The following NRXN1 variants were observed in gnomAD, a reference collection of about 807,000 sequenced individuals.
The protein encoded by NRXN1 is neurexin-1.
In NRXN1, 39 loss-of-function variants were observed where a neutral mutation model predicts 150.9. The ratio of observed to expected loss-of-function variants is 0.26; its 90% confidence interval spans 0.20 to 0.34. The LOEUF (loss-of-function observed/expected upper bound fraction) is 0.34. Among genes scored for constraint, NRXN1 ranks in the 10% least tolerant of loss-of-function variants. NRXN1 has a pLI of 1.00. For missense variants in NRXN1, 1,815 were observed against 1,949.9 expected, an observed-to-expected ratio of 0.93 and a Z score of 1.30; for synonymous variants, 924 against 757.0, an observed-to-expected ratio of 1.22 and a Z score of -3.62.
chr2:50,907,871 C>G (rs1408564403), intron 5 of NRXN1, among the ~76,000 whole-genome samples: 2 of 152,068 alleles, frequency 1.3e-5, no homozygotes, highest in Non-Finnish European at 2.9e-5. Context: ...ATAATACATT[C>G]ACGTTGTTTA....
At chr2:50,785,127 T>C (rs1449364364) in intron 5 of NRXN1, among the ~76,000 whole-genome samples, 1 of 151,748 alleles carries the variant, frequency 6.6e-6, no homozygotes, top group Non-Finnish European at 1.5e-5. Flanking sequence ...AAAGACCATG[T>C]GAGGACACAG....
At chr2:50,678,976 C>T (rs985556772) in intron 5 of NRXN1, among the ~76,000 whole-genome samples, 4 of 151,934 alleles carry the variant, frequency 2.6e-5, no homozygotes, top group African/African-American at 7.3e-5. Flanking sequence ...GACAGATGTA[C>T]GGTCAGAGTT....
At chr2:50,102,934 G>A (rs1025252064) in intron 18 of NRXN1, among the ~76,000 whole-genome samples, 13 of 151,934 alleles carry the variant, frequency 8.6e-5, no homozygotes, top group South Asian at 4.1e-4. Flanking sequence ...GGAATAATGC[G>A]TAACAAAAGT....
Position 50,347,891 on chromosome 2 carries a change from A to G in NRXN1, c.3365-110921T>C. The G allele has an allele frequency of 6.2e-6, 6 of 966,230 alleles. No homozygotes were observed. The highest frequency in any genetic ancestry group is 7.4e-6 in the Non-Finnish European group (6 of 812,442). 59.9% of individuals were successfully genotyped at this position (966,230 alleles called of 1,614,324 possible). A position where few individuals can be genotyped will look rare whatever the true frequency, so the allele number is the denominator to read the frequency against. ...ACGAGGGAGGCTGGTCTAGCTTCCCACGAAAATCGCCCTGCTTTGCCTCTC... is the reference window on the plus strand; with the variant it reads ...ACGAGGGAGGCTGGTCTAGCTTCCCGCGAAAATCGCCCTGCTTTGCCTCTC... On this transcript the variant is annotated intron_variant, in intron 17 of 22. Transcript: ENST00000401669. The surrounding 1 kb of genome is among the most constrained non-coding windows in gnomAD (Gnocchi z 4.9).
At chr2:50,855,764 C>A (rs1321163127) in intron 5 of NRXN1, among the ~76,000 whole-genome samples, 2 of 152,012 alleles carry the variant, frequency 1.3e-5, no homozygotes, top group Admixed American at 1.3e-4. Flanking sequence ...CATTGAATAT[C>A]TTACTATGTC....
At chr2:50,375,652 A>G (rs2080432144) in intron 17 of NRXN1, among the ~76,000 whole-genome samples, 1 of 151,288 alleles carries the variant, frequency 6.6e-6, no homozygotes, top group Non-Finnish European at 1.5e-5. Flanking sequence ...TAGTAAATTG[A>G]AAGACTATTA....
intron 8 of NRXN1, among the ~76,000 whole-genome samples, chr2:50,570,282 C>G (rs992708082): frequency 1.3e-5 from 2 of 151,966 alleles, no homozygotes; most frequent in African/African-American, 4.8e-5. Context: ...GAATCAAAGA[C>G]AGAGAAATCC....
intron 9 of NRXN1, among the ~76,000 whole-genome samples, chr2:50,546,035 T>A (rs2093485801): frequency 6.6e-6 from 1 of 152,146 alleles, no homozygotes; most frequent in South Asian, 2.1e-4. Context: ...CCATAGTTGA[T>A]TGAATCCACA....
chr2:50,639,451 C>T (rs1360580933), intron 5 of NRXN1, among the ~76,000 whole-genome samples: 2 of 151,912 alleles, frequency 1.3e-5, no homozygotes, highest in South Asian at 2.1e-4. Flanking sequence ...GAATGCCTGA[C>T]CTCAAGTGAT....
At chr2:50,066,651 A>G (rs1695406439) in intron 19 of NRXN1, among the ~76,000 whole-genome samples, 2 of 152,206 alleles carry the variant, frequency 1.3e-5, no homozygotes, top group Non-Finnish European at 1.5e-5. Flanking sequence ...GTCTCAAAAT[A>G]TAATTACAAG....
intron 8 of NRXN1, among the ~76,000 whole-genome samples, chr2:50,610,664 T>C (rs1395722943): frequency 7.9e-6 from 1 of 126,870 alleles, no homozygotes; most frequent in African/African-American, 2.9e-5. Flanking sequence ...TATATATATA[T>C]ATATATATAT....
chr2:50,493,009 C>T (rs1383610690), intron 15 of NRXN1, among the ~76,000 whole-genome samples: 2 of 152,184 alleles, frequency 1.3e-5, no homozygotes, highest in African/African-American at 2.4e-5. Flanking sequence ...ACTTCGCAAA[C>T]ACCACAACAT....
At chr2:49,944,490 C>T (rs1672540205) in intron 21 of NRXN1, among the ~76,000 whole-genome samples, 1 of 152,116 alleles carries the variant, frequency 6.6e-6, no homozygotes, top group Non-Finnish European at 1.5e-5. Flanking sequence ...GAAGAGGTGG[C>T]AGTTTTCTCT....
At chr2:50,443,848 C>G (rs181539669) in intron 17 of NRXN1, among the ~76,000 whole-genome samples, 1 of 152,014 alleles carries the variant, frequency 6.6e-6, no homozygotes, top group Non-Finnish European at 1.5e-5. Context: ...AAAATCTGTC[C>G]TCTGTTGTCT....
intron 5 of NRXN1, among the ~76,000 whole-genome samples, chr2:50,638,262 C>T (rs1437864340): frequency 6.6e-6 from 1 of 152,054 alleles, no homozygotes. Context: ...CTCTTGCTAA[C>T]ATATTATTAT....
chr2:50,718,700 T>C (rs574379719), intron 5 of NRXN1, among the ~76,000 whole-genome samples: 1 of 152,246 alleles, frequency 6.6e-6, no homozygotes, highest in South Asian at 2.1e-4. Flanking sequence ...AAGCCCTTTG[T>C]ATGTGTATAA....
chr2:50,238,071 CAATT>C (rs1228020122), intron 17 of NRXN1, among the ~76,000 whole-genome samples: 2 of 152,030 alleles, frequency 1.3e-5, no homozygotes, highest in African/African-American at 4.8e-5. Flanking sequence ...AACTGTGAGT[CAATT>C]AAACCTCTTT....
chr2:50,117,416 C>G (rs986368011), intron 18 of NRXN1, among the ~76,000 whole-genome samples: 13 of 152,204 alleles, frequency 8.5e-5, no homozygotes, highest in Non-Finnish European at 1.8e-4. Context: ...ACACCCTTCT[C>G]CTCAATCCAT....
chr2:50,742,791 C>G (rs955062224), intron 5 of NRXN1, among the ~76,000 whole-genome samples: 9 of 152,044 alleles, frequency 5.9e-5, no homozygotes, highest in African/African-American at 2.2e-4. Flanking sequence ...ATAATAACAT[C>G]GGCAGATTCT....
Sources: gnomAD v4.1 joint callset for allele counts (sites outside exome capture counted in the v4.1 genomes callset) on GRCh38, gnomAD v4.1.1 for gene constraint, Gnocchi (gnomAD v3.1) non-coding constraint, MANE v1.5 for transcripts, NCBI Gene and HGNC (gene_info 2026-07-23, HGNC 2026-07-21) for gene names.